The following SDC1 variants were observed in gnomAD, a reference collection of about 807,000 sequenced individuals.
The protein encoded by SDC1 is syndecan 1.
Under a neutral mutation model 29.7 loss-of-function variants are expected in SDC1, and 14 were observed. That is an observed-to-expected ratio of 0.47 (90% CI 0.31 to 0.74). The LOEUF is 0.74. Among genes scored for constraint, SDC1 ranks in the 30% least tolerant of loss-of-function variants. The probability of loss-of-function intolerance (pLI) is 0.05; values close to 1 mark genes in which losing one functional copy is unlikely to be tolerated. For missense variants in SDC1, 406 were observed against 400.3 expected (o/e 1.01, Z -0.12); for synonymous variants, 204 against 175.5 (o/e 1.16, Z -1.29).
chr2:20,214,840 A>T (rs941293092), intron 1 of SDC1, among the ~76,000 whole-genome samples: 5 of 152,128 alleles, frequency 3.3e-5, no homozygotes, highest in African/African-American at 1.2e-4. Context: ...GATCATAGCT[A>T]ATGTTTATTG....
intron 1 of SDC1, among the ~76,000 whole-genome samples, chr2:20,211,285 G>A (rs1677456900): frequency 6.6e-6 from 1 of 152,154 alleles, no homozygotes; most frequent in African/African-American, 2.4e-5. Flanking sequence ...AATGAGGGGA[G>A]GAAAAGGCAT....
At chr2:20,203,433 C>T (rs1378306990) in intron 3 of SDC1, among the ~76,000 whole-genome samples, 2 of 152,140 alleles carry the variant, frequency 1.3e-5, no homozygotes, top group African/African-American at 4.8e-5. Context: ...ATGGATATCA[C>T]AAAAAGTGAT....
chr2:20,216,223 C>T lies in SDC1; in HGVS notation c.66+8579G>A, dbSNP rs578093383. On this transcript the variant is annotated intron_variant, in intron 1 of 4. Transcript: ENST00000254351. ...TGTGCTCTTCCCCCAGGCCCCAAGT[C>T]CCTTTCAGGGAGGAAGGTGGGGGGC... is the stretch of plus-strand genomic sequence containing the variant. Among the ~76,000 whole-genome samples, 264 of 152,326 alleles carry T rather than the reference C, an allele frequency of 1.7e-3. 1 individual carries two copies. Among genetic ancestry groups the T allele is most frequent in the Non-Finnish European group, 3.0e-3 (202 of 68,024 alleles).
chr2:20,204,252 G>A lies in SDC1; in HGVS notation c.188C>T (p.Ser63Phe), dbSNP rs777304384. 3 of 1,590,656 alleles carry A rather than the reference G, an allele frequency of 1.9e-6. No individual in the cohort carries two copies. The highest frequency in any genetic ancestry group is 4.5e-5 in the East Asian group (2 of 44,844). ...QDITLSQQTP[S>F]TWKDTQLLTA... ...CAGGAGCTGCGTGTCCTTCCAAGTGGAGGGGGTCTGCTGTGACAAGGTGAT... is the reference window on the plus strand; with the variant it reads ...CAGGAGCTGCGTGTCCTTCCAAGTGAAGGGGGTCTGCTGTGACAAGGTGAT... Residue 63 changes from serine (S) to phenylalanine (F), a missense_variant, in exon 3 of 5, where the codon TCC (serine) becomes TTC (phenylalanine). Transcript: ENST00000254351.
At chr2:20,222,929 G>A (rs1677866845) in intron 1 of SDC1, among the ~76,000 whole-genome samples, 1 of 152,186 alleles carries the variant, frequency 6.6e-6, no homozygotes, top group South Asian at 2.1e-4. Flanking sequence ...ATGGGGCAGT[G>A]AGGTGATGCC....
At chr2:20,206,046 T>G (rs890499307) in intron 1 of SDC1, among the ~76,000 whole-genome samples, 5 of 152,212 alleles carry the variant, frequency 3.3e-5, no homozygotes, top group Non-Finnish European at 4.4e-5. Flanking sequence ...ACCCCAGGCC[T>G]GGCCCTGATA....
Position 20,203,136 on chromosome 2 carries a change from C to T in SDC1, c.714G>A (p.Gly238=), listed in dbSNP as rs375588390. The change falls in exon 4 of 5, where the codon GGG becomes GGA. Residue 238 remains glycine, a synonymous_variant. Transcript: ENST00000254351. ...GGAGGCCCTGTGAGGCCCCCGTGGC[C>T]CCCTGATCCACTGGGGACTGGTTCC... ...DRRNQSPVDQ[G]ATGASQGLLD... 2.5e-5 allele frequency: 41 copies of T among 1,612,554 alleles called. No individual in the cohort carries two copies. Among genetic ancestry groups the T allele is most frequent in the Non-Finnish European group, 6.8e-6 (8 of 1,179,138 alleles).
chr2:20,222,818 C>A (rs768828364), intron 1 of SDC1, among the ~76,000 whole-genome samples: 1 of 152,186 alleles, frequency 6.6e-6, no homozygotes. Flanking sequence ...TCTGCTTTAC[C>A]CCAGGCAGGC....
At chr2:20,221,868 T>C (rs919847710) in intron 1 of SDC1, among the ~76,000 whole-genome samples, 4 of 152,078 alleles carry the variant, frequency 2.6e-5, no homozygotes, top group African/African-American at 9.7e-5. Flanking sequence ...AGGGATGACA[T>C]CACTTCTAGA....
chr2:20,205,912 G>A (rs2348479), intron 1 of SDC1, among the ~76,000 whole-genome samples: 150,496 of 152,338 alleles, frequency 0.99, 74,372 homozygotes, highest in East Asian at 1. Context: ...GACAACCTGG[G>A]TGCAGAGGCA....
intron 1 of SDC1, among the ~76,000 whole-genome samples, chr2:20,208,628 T>C (rs1677362557): frequency 6.6e-6 from 1 of 152,202 alleles, no homozygotes; most frequent in African/African-American, 2.4e-5. Flanking sequence ...TCGATTTCCT[T>C]TAGCAGGCCT....
rs1572459061 is a variant in SDC1, at chr2:20,203,854, C to T, written c.586G>A (p.Ala196Thr). ...TCTGCTGCTGGGAGCTGACTGGAGG[C>T]TCCATCCTCAGCAGCCCTCTCGGTG... ...SATERAAEDG[A>T]SSQLPAAEGS... The change falls in exon 3 of 5, where the codon GCC becomes ACC. Residue 196 changes from alanine to threonine, a missense_variant. By Grantham distance (58) the Ala-to-Thr change is moderately conservative. Coordinates refer to ENST00000254351, the MANE Select transcript of SDC1 (RefSeq NM_002997.5). 3 of 1,606,910 alleles carry T rather than the reference C, an allele frequency of 1.9e-6. No individual in the cohort carries two copies. Among genetic ancestry groups the T allele is most frequent in the East Asian group, 4.5e-5 (2 of 44,852 alleles).
At chr2:20,212,731 G>A (rs1255336505) in intron 1 of SDC1, among the ~76,000 whole-genome samples, 1 of 152,310 alleles carries the variant, frequency 6.6e-6, no homozygotes, top group East Asian at 1.9e-4. Context: ...GCAGGAGGGA[G>A]ACAGAAATGG....
In SDC1 at chr2:20,203,152, G is replaced by T; in HGVS notation, c.698C>A (p.Ser233Tyr). The change falls in exon 4 of 5, where the codon TCC (serine) becomes TAC (tyrosine). Residue 233 changes from serine (S) to tyrosine (Y), a missense_variant. Physicochemically the swap from Ser to Tyr is moderately radical, Grantham distance 144. Coordinates refer to ENST00000254351, the MANE Select transcript of SDC1 (RefSeq NM_002997.5). ...CCCCGTGGCCCCCTGATCCACTGGG[G>T]ACTGGTTCCGGCGGTCAGGCTCCAC... is the stretch of plus-strand genomic sequence containing the variant. ...VAVEPDRRNQ[S>Y]PVDQGATGAS... 3 of 1,613,264 alleles carry T rather than the reference G, an allele frequency of 1.9e-6. No homozygotes were observed. Among genetic ancestry groups the T allele is most frequent in the Non-Finnish European group, 2.5e-6 (3 of 1,179,644 alleles).
intron 1 of SDC1, among the ~76,000 whole-genome samples, chr2:20,221,886 G>C (rs1477209295): frequency 6.6e-6 from 1 of 152,162 alleles, no homozygotes; most frequent in East Asian, 1.9e-4. Flanking sequence ...AGAAGGCTCT[G>C]AGCCTGAGCG....
intron 1 of SDC1, among the ~76,000 whole-genome samples, chr2:20,206,296 G>A (rs1181422035): frequency 1.3e-5 from 2 of 152,242 alleles, no homozygotes; most frequent in Non-Finnish European, 2.9e-5. Flanking sequence ...CCAGCTCCAA[G>A]AGGCAAAGGG....
intron 1 of SDC1, among the ~76,000 whole-genome samples, chr2:20,211,119 C>A (rs924784926): frequency 7.2e-5 from 11 of 152,144 alleles, no homozygotes; most frequent in Admixed American, 2.0e-4. Context: ...CAAACCATCA[C>A]CTGCATCCAG....
At chr2:20,208,194 C>T (rs1677343260) in intron 1 of SDC1, 2 of 876,800 alleles carry the variant, frequency 2.3e-6, no homozygotes, top group Admixed American at 6.2e-5. Context: ...AGACACCGCC[C>T]AGTGAGACCC....
chr2:20,203,673 G>A (rs983821265), intron 3 of SDC1, 140 bp downstream of exon 3: 3 of 693,836 alleles, frequency 4.3e-6, no homozygotes, highest in African/African-American at 1.8e-5. Flanking sequence ...GGCCCTGGGG[G>A]TAGGGGAAGG....
Sources: gnomAD v4.1 joint callset for allele counts (sites outside exome capture counted in the v4.1 genomes callset) on GRCh38, gnomAD v4.1.1 for gene constraint, MANE v1.5 for transcripts, NCBI Gene and HGNC (gene_info 2026-07-23, HGNC 2026-07-21) for gene names.